NSG2: variants seen among roughly 807,000 people sequenced by gnomAD.
NSG2 encodes the protein neuronal vesicle trafficking-associated protein 2.
In NSG2, 4 loss-of-function variants were observed where a neutral mutation model predicts 16.9. The ratio of observed to expected loss-of-function variants is 0.24; its 90% CI spans 0.12 to 0.54. The LOEUF (loss-of-function observed/expected upper bound fraction) is 0.54. Among genes scored for constraint, NSG2 ranks in the 20% least tolerant of loss-of-function variants. The pLI is 0.95. For missense variants in NSG2, 179 were observed against 221.1 expected (o/e 0.81, Z 1.21); for synonymous variants, 98 against 88.7 (o/e 1.11, Z -0.59).
In NSG2 at chr5:174,102,849, GCTCACTGCAGC is replaced by G. The variant is rs1228075321; in HGVS notation, c.214-1375_214-1365del. Among the ~76,000 whole-genome samples the G allele has an allele frequency of 2.0e-5, 3 of 151,100 alleles. No homozygotes were observed. In the East Asian group the frequency reaches 5.8e-4, roughly 29 times the overall value. Reference sequence around the variant, plus strand: ...CCTGGAGTGCTGTGGCACAAGCTCGGCTCACTGCAGCCTCCTCCTCCCAGGTTCAAGCAATT... The same window carrying G: ...CCTGGAGTGCTGTGGCACAAGCTCGGCTCCTCCTCCCAGGTTCAAGCAATT... On this transcript the variant is annotated intron_variant, in intron 3 of 4. Coordinates refer to ENST00000303177, the MANE Select transcript of NSG2 (RefSeq NM_015980.5).
At chr5:174,047,791 C>A (rs1162512814) in intron 2 of NSG2, among the ~76,000 whole-genome samples, 1 of 152,202 alleles carries the variant, frequency 6.6e-6, no homozygotes, top group Non-Finnish European at 1.5e-5. Flanking sequence ...AGTATCATTT[C>A]AGGTCCACCT....
chr5:174,101,186 A>C (rs1000926879), intron 3 of NSG2, among the ~76,000 whole-genome samples: 5 of 152,190 alleles, frequency 3.3e-5, no homozygotes, highest in African/African-American at 4.8e-5. Flanking sequence ...GGATTTTAAT[A>C]TCCCTTTAAC....
chr5:174,107,536 G>A lies in NSG2; in HGVS notation c.*31G>A, dbSNP rs1297321964. On this transcript the variant is annotated 3_prime_UTR_variant, in exon 5 of 5. Transcript: ENST00000303177. The surrounding 1 kb of genome is among the most constrained non-coding windows in gnomAD (Gnocchi z 4.5). ...TGCCCCAGCCAGAATGGGGGGCGGG[G>A]TGGAGAGGAGGACCCCCATTGGCTA... 2 of 1,581,920 alleles carry A rather than the reference G, an allele frequency of 1.3e-6. No individual in the cohort carries two copies. The highest frequency in any genetic ancestry group is 2.7e-5 in the African/African-American group (2 of 74,400).
chr5:174,064,513 A>G, intron 3 of NSG2, 198 bp downstream of exon 3: 1 of 440,644 alleles, frequency 2.3e-6, no homozygotes, highest in Non-Finnish European at 4.1e-6. Context: ...GGTCTATCAT[A>G]TTCTCGTGTA....
At chr5:174,073,042 C>T (rs1396239633) in intron 3 of NSG2, among the ~76,000 whole-genome samples, 5 of 152,160 alleles carry the variant, frequency 3.3e-5, no homozygotes, top group Middle Eastern at 3.2e-3. Flanking sequence ...AAAAAAAATC[C>T]GTATGGCTGA....
chr5:174,089,603 A>G (rs1760690903), intron 3 of NSG2, among the ~76,000 whole-genome samples: 1 of 152,036 alleles, frequency 6.6e-6, no homozygotes, highest in African/African-American at 2.4e-5. Flanking sequence ...GAAAGAAGGA[A>G]AGGAAGAGTT....
chr5:174,101,834 G>T (rs1301504309), intron 3 of NSG2, among the ~76,000 whole-genome samples: 1 of 152,196 alleles, frequency 6.6e-6, no homozygotes, highest in East Asian at 1.9e-4. Flanking sequence ...GTCTTGGGTG[G>T]CCTCCTTTCC....
At chr5:174,095,123 G>A (rs1202330101) in intron 3 of NSG2, among the ~76,000 whole-genome samples, 1 of 152,214 alleles carries the variant, frequency 6.6e-6, no homozygotes, top group African/African-American at 2.4e-5. Context: ...AGATATGCAA[G>A]AGCAGTTCAT....
At chr5:174,077,657 G>A (rs1278658698) in intron 3 of NSG2, among the ~76,000 whole-genome samples, 2 of 152,136 alleles carry the variant, frequency 1.3e-5, no homozygotes, top group East Asian at 3.9e-4. Flanking sequence ...CTCATTTTCA[G>A]AAAGGACTGA....
Position 174,107,705 on chromosome 5 carries a change from A to G in NSG2, c.*200A>G. 1 of 707,906 alleles carries G rather than the reference A, an allele frequency of 1.4e-6. No individual in the cohort carries two copies. Among genetic ancestry groups the G allele is most frequent in the South Asian group, 1.5e-5 (1 of 66,890 alleles). 43.9% of individuals were successfully genotyped at this position (707,906 alleles called of 1,614,324 possible). A position where few individuals can be genotyped will look rare whatever the true frequency, so the allele number is the denominator to read the frequency against. ...CCGATATTTCTTTTTGTTCCTTGGT[A>G]TTGTTGATTCGTCGCCGAGTCAGGC... On this transcript the variant is annotated 3_prime_UTR_variant, in exon 5 of 5. Transcript: ENST00000303177. The surrounding 1 kb of genome is among the most constrained non-coding windows in gnomAD (Gnocchi z 4.5).
intron 3 of NSG2, among the ~76,000 whole-genome samples, chr5:174,077,383 A>T (rs903580067): frequency 1.3e-5 from 2 of 152,048 alleles, no homozygotes; most frequent in Non-Finnish European, 2.9e-5. Context: ...TCTCTTGATC[A>T]TTAGGGTAAA....
chr5:174,050,689 G>A (rs1045966576), intron 2 of NSG2, among the ~76,000 whole-genome samples: 11 of 151,990 alleles, frequency 7.2e-5, no homozygotes, highest in East Asian at 1.9e-4. Flanking sequence ...TGCCCCTTGA[G>A]CCCTCCCCCT....
At chr5:174,061,363 G>T (rs1420143989) in intron 2 of NSG2, among the ~76,000 whole-genome samples, 2 of 152,314 alleles carry the variant, frequency 1.3e-5, no homozygotes, top group South Asian at 2.1e-4. Flanking sequence ...CTGCATGTAT[G>T]TTCTTTCATT....
Position 174,107,589 on chromosome 5 carries a change from T to G in NSG2, c.*84T>G. 1 of 991,440 alleles carries G rather than the reference T, an allele frequency of 1.0e-6. No homozygotes were observed. The highest frequency in any genetic ancestry group is 4.7e-5 in the East Asian group (1 of 21,412). 61.4% of individuals were successfully genotyped at this position (991,440 alleles called of 1,614,324 possible). ...CCAAGCTCCAGTTACAAGACAACAC[T>G]GTACTCCTGGGATATGGGGGCGGGG... is the stretch of plus-strand genomic sequence containing the variant. On this transcript the variant is annotated 3_prime_UTR_variant, in exon 5 of 5. Transcript: ENST00000303177. This position sits in a 1 kb window ranked among gnomAD's most constrained non-coding sequence, Gnocchi z 4.5.
intron 2 of NSG2, among the ~76,000 whole-genome samples, chr5:174,048,849 C>A (rs1309930416): frequency 6.6e-6 from 1 of 152,188 alleles, no homozygotes; most frequent in African/African-American, 2.4e-5. Flanking sequence ...TCATAGTGGG[C>A]CTGCATGCAT....
At chr5:174,100,496 T>C (rs1363160778) in intron 3 of NSG2, among the ~76,000 whole-genome samples, 1 of 152,176 alleles carries the variant, frequency 6.6e-6, no homozygotes, top group Non-Finnish European at 1.5e-5. Flanking sequence ...AGCCTTGTCC[T>C]GGACCCATGG....
At chr5:174,079,861 T>C (rs563126834) in intron 3 of NSG2, among the ~76,000 whole-genome samples, 1 of 152,364 alleles carries the variant, frequency 6.6e-6, no homozygotes, top group South Asian at 2.1e-4. Flanking sequence ...AAAATATTGA[T>C]ACATTTGACT....
intron 3 of NSG2, among the ~76,000 whole-genome samples, chr5:174,096,614 T>C (rs1407913661): frequency 6.6e-6 from 1 of 151,566 alleles, no homozygotes; most frequent in Non-Finnish European, 1.5e-5. Flanking sequence ...TGTTGGAGAG[T>C]CTAGGGCGGA....
chr5:174,062,946 G>A (rs6873641), intron 2 of NSG2, among the ~76,000 whole-genome samples: 23,919 of 152,152 alleles, frequency 0.16, 2,462 homozygotes, highest in African/African-American at 0.29. Context: ...GGAAGTAGGA[G>A]TGATCATGGT....
Sources: gnomAD v4.1 joint callset for allele counts (sites outside exome capture counted in the v4.1 genomes callset) on GRCh38, gnomAD v4.1.1 for gene constraint, Gnocchi (gnomAD v3.1) non-coding constraint, MANE v1.5 for transcripts, NCBI Gene and HGNC (gene_info 2026-07-23, HGNC 2026-07-21) for gene names.